Variants in ANK2 observed in about 807,000 individuals in gnomAD.
ANK2 encodes ankyrin 2.
A neutral mutation model predicts 360.5 loss-of-function variants in ANK2; 83 were observed. The observed-to-expected ratio is 0.23, with a 90% CI of 0.19 to 0.28. The LOEUF (loss-of-function observed/expected upper bound fraction) is 0.28. Ranked by LOEUF, ANK2 falls within the 10% of genes least tolerant of loss-of-function variation. ANK2 has a pLI of 1.00. For missense variants in ANK2, 4,201 were observed against 4,795.7 expected (o/e 0.88, Z 3.66); for synonymous variants, 1,740 against 1,759.5 (o/e 0.99, Z 0.28).
chr4:113,331,611 T>C (rs2092454653), intron 27 of ANK2, among the ~76,000 whole-genome samples: 1 of 152,232 alleles, frequency 6.6e-6, no homozygotes, highest in South Asian at 2.1e-4. Context: ...AATCTTCAGA[T>C]CTGTTGGGGA....
intron 1 of ANK2, among the ~76,000 whole-genome samples, chr4:113,118,731 G>T (rs2095095553): frequency 6.6e-6 from 1 of 152,142 alleles, no homozygotes; most frequent in Non-Finnish European, 1.5e-5. Flanking sequence ...ATTTTGTGGA[G>T]GTCGACTTCC....
chr4:113,296,711 G>A (rs533449912), intron 22 of ANK2, among the ~76,000 whole-genome samples: 1 of 152,106 alleles, frequency 6.6e-6, no homozygotes, highest in Admixed American at 6.5e-5. Flanking sequence ...GCATTCTCCT[G>A]GGATTACAAT....
chr4:113,152,770 G>A (rs2097143427), intron 1 of ANK2, among the ~76,000 whole-genome samples: 1 of 151,978 alleles, frequency 6.6e-6, no homozygotes, highest in African/African-American at 2.4e-5. Context: ...GTTTGATGGT[G>A]TGCACCTGTG....
chr4:112,717,374 C>G, the ANK2 span, among the ~76,000 whole-genome samples: 1 of 152,144 alleles, frequency 6.6e-6, no homozygotes, highest in Non-Finnish European at 1.5e-5. Context: ...CTTCTGCTAT[C>G]TGTCTGCACT....
intron 1 of ANK2, among the ~76,000 whole-genome samples, chr4:112,828,958 A>G (rs2059066264): frequency 6.6e-6 from 1 of 152,176 alleles, no homozygotes; most frequent in African/African-American, 2.4e-5. Flanking sequence ...GTTTGAGAAC[A>G]GGCTGGCCAA....
chr4:112,772,654 A>T, the ANK2 span, among the ~76,000 whole-genome samples: 1 of 152,218 alleles, frequency 6.6e-6, no homozygotes, highest in African/African-American at 2.4e-5. Context: ...TAGCCTCATT[A>T]ACTAGTATAG....
At chr4:112,908,496 A>G (rs540131715) in intron 2 of ANK2, among the ~76,000 whole-genome samples, 21 of 152,342 alleles carry the variant, frequency 1.4e-4, no homozygotes, top group African/African-American at 4.3e-4. Flanking sequence ...GCTGGTCTTC[A>G]AAATCAGAGA....
intron 1 of ANK2, among the ~76,000 whole-genome samples, chr4:113,173,212 T>C (rs900347476): frequency 4.6e-5 from 7 of 152,208 alleles, no homozygotes; most frequent in African/African-American, 1.4e-4. Context: ...TTTCCATGTG[T>C]AAATCATTTT....
At chr4:112,770,093 T>C in the ANK2 span, among the ~76,000 whole-genome samples, 2 of 152,222 alleles carry the variant, frequency 1.3e-5, no homozygotes, top group Non-Finnish European at 2.9e-5. Context: ...TGGAGAGCCC[T>C]GACTAATACA....
At chr4:113,132,899 T>G (rs2096144574) in intron 1 of ANK2, among the ~76,000 whole-genome samples, 1 of 152,102 alleles carries the variant, frequency 6.6e-6, no homozygotes, top group African/African-American at 2.4e-5. Flanking sequence ...GCTTCAGTAT[T>G]GGGAAAGAAA....
Position 113,285,052 on chromosome 4 carries a change from C to T in ANK2, c.2079+2180C>T, listed in dbSNP as rs115884219. Reference sequence around the variant, plus strand: ...TAAAATAAAACCAAAAAAGATCCGTCGTTGGGTCCACCAGTGTGTCTTAGG... The same window carrying T: ...TAAAATAAAACCAAAAAAGATCCGTTGTTGGGTCCACCAGTGTGTCTTAGG... On this transcript the variant is annotated intron_variant, in intron 18 of 45. Transcript: ENST00000357077. 5.2e-3 allele frequency among the ~76,000 whole-genome samples: 789 copies of T among 152,190 alleles called. 9 individuals are homozygous for T. The highest frequency in any genetic ancestry group is 7.7e-3 in the Non-Finnish European group (527 of 68,000).
At chr4:112,743,972 G>A in the ANK2 span, among the ~76,000 whole-genome samples, 4 of 151,988 alleles carry the variant, frequency 2.6e-5, no homozygotes, top group African/African-American at 9.7e-5. Context: ...GAGATTACAG[G>A]CATGTGCCAC....
In ANK2 at chr4:113,367,465, T is replaced by C; in HGVS notation, c.11033-101T>C. 2.6e-6 allele frequency: 3 copies of C among 1,142,266 alleles called. No homozygotes were observed. In the South Asian group the frequency reaches 4.1e-5, roughly 15 times the overall value. 70.8% of individuals were successfully genotyped at this position (1,142,266 alleles called of 1,614,324 possible). A position where few individuals can be genotyped will look rare whatever the true frequency, so the allele number is the denominator to read the frequency against. On this transcript the variant is annotated intron_variant, in intron 41 of 45. Coordinates refer to ENST00000357077, the MANE Select transcript of ANK2 (RefSeq NM_001148.6). ...GGGCCCATCTCAGGATGTAGCACAT[T>C]TATCTTCTTATTTTTTTTATCCTCT...
intron 26 of ANK2, among the ~76,000 whole-genome samples, chr4:113,328,278 A>T (rs1016522156): frequency 5.9e-5 from 9 of 152,202 alleles, no homozygotes; most frequent in African/African-American, 2.2e-4. Context: ...AAACAAAGGA[A>T]ATATTAATCT....
intron 31 of ANK2, among the ~76,000 whole-genome samples, chr4:113,337,361 C>A (rs115527840): frequency 2.0e-5 from 3 of 152,078 alleles, no homozygotes; most frequent in Non-Finnish European, 4.4e-5. Flanking sequence ...GTTGTGTAGT[C>A]GCTTTCAGAC....
chr4:113,097,873 T>TAC (rs146597690), intron 1 of ANK2, among the ~76,000 whole-genome samples: 41,638 of 121,012 alleles, frequency 0.34, 6,996 homozygotes, highest in Non-Finnish European at 0.4. Flanking sequence ...TGTGTATATA[T>TAC]ATGCACACAC....
At chr4:112,828,080 A>G (rs1182958199) in intron 1 of ANK2, among the ~76,000 whole-genome samples, 2 of 152,134 alleles carry the variant, frequency 1.3e-5, no homozygotes, top group East Asian at 3.8e-4. Flanking sequence ...CAACCATCTG[A>G]TCTTCAACAA....
At chr4:113,344,231 G>T (rs56279783) in intron 34 of ANK2, among the ~76,000 whole-genome samples, 2 of 152,104 alleles carry the variant, frequency 1.3e-5, no homozygotes, top group African/African-American at 4.8e-5. Flanking sequence ...CAAAATGAGG[G>T]AAGTGCTTCA....
chr4:113,226,370 T>G (rs1440304449), intron 4 of ANK2, among the ~76,000 whole-genome samples: 2 of 152,218 alleles, frequency 1.3e-5, no homozygotes, highest in Non-Finnish European at 2.9e-5. Flanking sequence ...TAATTGTAAG[T>G]TTCCGTATGT....
Sources: gnomAD v4.1 joint callset for allele counts (sites outside exome capture counted in the v4.1 genomes callset) on GRCh38, gnomAD v4.1.1 for gene constraint, MANE v1.5 for transcripts, NCBI Gene and HGNC (gene_info 2026-07-23, HGNC 2026-07-21) for gene names.